The following SPTAN1 variants were observed in gnomAD, a reference collection of about 807,000 sequenced individuals.
SPTAN1 encodes spectrin alpha chain, non-erythrocytic 1.
Under a neutral mutation model 331.3 loss-of-function variants are expected in SPTAN1, and 61 were observed. That is an observed-to-expected ratio of 0.18 (90% CI 0.15 to 0.23). The LOEUF (loss-of-function observed/expected upper bound fraction) is 0.23, where lower values mean the gene tolerates loss of function less well. Among genes scored for constraint, SPTAN1 ranks in the 10% least tolerant of loss-of-function variants. The pLI, the probability that SPTAN1 is intolerant of heterozygous loss-of-function variation, is 1.00. For synonymous variants in SPTAN1, 1,153 were observed against 1,173.9 expected (o/e 0.98, Z 0.36); for missense variants, 2,043 against 3,147.9 (o/e 0.65, Z 8.40).
At chr9:128,608,109 C>CCT (rs1165918243) in intron 33 of SPTAN1, 21 bp from the exon 34 acceptor site, 1 of 1,614,078 alleles carries the variant, frequency 6.2e-7, no homozygotes, top group Non-Finnish European at 8.5e-7. Flanking sequence ...CATTTTCTCA[C>CCT]CTGCCTCTTG....
chr9:128,587,704 C>T lies in SPTAN1; in HGVS notation c.2871+6C>T. 1 of 1,613,934 alleles carries T rather than the reference C, an allele frequency of 6.2e-7. No homozygotes were observed. Among genetic ancestry groups the T allele is most frequent in the Non-Finnish European group, 8.5e-7 (1 of 1,179,830 alleles). ...AACAAGCACAGTCCTGCCGGGTAAA[C>T]TTGTAACAGTTTATGGGTTACTGGA... On this transcript the variant is annotated splice_donor_region_variant and intron_variant, in intron 20 of 56. Coordinates refer to ENST00000372739, the MANE Select transcript of SPTAN1 (RefSeq NM_001130438.3).
intron 21 of SPTAN1, among the ~76,000 whole-genome samples, chr9:128,589,966 T>C (rs1010352453): frequency 6.6e-6 from 1 of 152,190 alleles, no homozygotes; most frequent in Non-Finnish European, 1.5e-5. Context: ...GGCTTTGTCT[T>C]CTTTAGGCTA....
intron 43 of SPTAN1, among the ~76,000 whole-genome samples, 153 bp from the exon 44 acceptor site, chr9:128,618,718 C>T (rs1346378144): frequency 2.0e-5 from 3 of 152,134 alleles, no homozygotes; most frequent in Non-Finnish European, 2.9e-5. Context: ...CTCCTGATCT[C>T]GTGATCTGCC....
At chr9:128,603,733 A>G in intron 28 of SPTAN1, 143 bp downstream of exon 28, 1 of 1,049,870 alleles carries the variant, frequency 9.5e-7, no homozygotes, top group South Asian at 1.3e-5. Flanking sequence ...TGTCCTAAGT[A>G]AACATCAGCA....
At chr9:128,618,157 C>T (rs190959808) in intron 43 of SPTAN1, 49 bp downstream of exon 43, 1 of 1,610,412 alleles carries the variant, frequency 6.2e-7, no homozygotes, top group East Asian at 2.2e-5. Flanking sequence ...AAGGCCAGCA[C>T]CCAAGGGCAG....
intron 45 of SPTAN1, chr9:128,622,137 T>G (rs1032114722): frequency 6.6e-6 from 1 of 152,166 alleles, no homozygotes; most frequent in Non-Finnish European, 1.5e-5. Context: ...CAAATAAACT[T>G]GCGTGAAACT....
At chr9:128,608,355 T>TA in intron 34 of SPTAN1, 79 bp downstream of exon 34, 1 of 1,570,388 alleles carries the variant, frequency 6.4e-7, no homozygotes, top group Non-Finnish European at 8.7e-7. Context: ...TAGTCACTGT[T>TA]ATATCTCCAA....
At chr9:128,589,732 C>T (rs188247443) in intron 21 of SPTAN1, among the ~76,000 whole-genome samples, 221 of 151,942 alleles carry the variant, frequency 1.5e-3, no homozygotes, top group Non-Finnish European at 2.0e-3. Context: ...CCTGCCACCA[C>T]GCCCGGCTAA....
chr9:128,560,209 A>G (rs897956670), intron 1 of SPTAN1, among the ~76,000 whole-genome samples: 7 of 150,418 alleles, frequency 4.7e-5, no homozygotes, highest in Admixed American at 1.3e-4. Flanking sequence ...TCAGCCTCCC[A>G]AGTAGCTGGG....
rs1012515428 is a variant in SPTAN1 at position 128,629,136 on chromosome 9, G to A, written c.6708-1185G>A. 15 of 398,572 alleles carry A rather than the reference G, an allele frequency of 3.8e-5. No individual in the cohort carries two copies. The highest frequency in any genetic ancestry group is 6.2e-4 in the Middle Eastern group (1 of 1,612). The allele number at this position is 398,572 out of a possible 1,614,324, so 24.7% of individuals were successfully genotyped here. ...TTTTCTTTGAATAGCATAGCATATC[G>A]TCGGGTCATTCGTGTCTATCAGTAT... On this transcript the variant is annotated intron_variant, in intron 51 of 56. Transcript: ENST00000372739. The surrounding 1 kb of genome is among the most constrained non-coding windows in gnomAD (Gnocchi z 4.9).
At chr9:128,624,683 G>A in intron 46 of SPTAN1, 196 bp downstream of exon 46, 1 of 654,408 alleles carries the variant, frequency 1.5e-6, no homozygotes, top group South Asian at 1.9e-5. Context: ...CCGGAACTGG[G>A]CTGGCACCAG....
At chr9:128,567,886 G>A (rs551092720) in intron 2 of SPTAN1, among the ~76,000 whole-genome samples, 1 of 151,630 alleles carries the variant, frequency 6.6e-6, no homozygotes, top group South Asian at 2.1e-4. Flanking sequence ...TCAGCCTCCC[G>A]AGTAGCTGGG....
intron 27 of SPTAN1, among the ~76,000 whole-genome samples, chr9:128,602,333 C>A (rs1855279705): frequency 6.6e-6 from 1 of 151,676 alleles, no homozygotes; most frequent in African/African-American, 2.4e-5. Context: ...TCTCCCACCT[C>A]AGCCTCCCGT....
rs770086897 is a variant in SPTAN1, at chr9:128,627,882, G to A, written c.6690-43G>A. 6.2e-7 allele frequency: 1 copy of A among 1,613,628 alleles called. No homozygotes were observed. Among genetic ancestry groups the A allele is most frequent in the South Asian group, 1.1e-5 (1 of 91,060 alleles). ...TCCCCCCGATTGCTGCTGTTGTCCG[G>A]ACACCACCTTGTCTCCCGGCTGCTT... On this transcript the variant is annotated intron_variant, in intron 50 of 56. Coordinates refer to ENST00000372739, the MANE Select transcript of SPTAN1 (RefSeq NM_001130438.3). This position sits in a 1 kb window ranked among gnomAD's most constrained non-coding sequence, Gnocchi z 4.9.
intron 1 of SPTAN1, 66 bp from the exon 2 acceptor site, chr9:128,566,672 G>A (rs1440461813): frequency 3.1e-6 from 5 of 1,608,454 alleles, no homozygotes; most frequent in African/African-American, 1.3e-5. Flanking sequence ...CCTTCAGAGA[G>A]GCTAATTACT....
intron 41 of SPTAN1, 90 bp from the exon 42 acceptor site, chr9:128,617,550 T>A (rs1304107396): frequency 1.3e-6 from 2 of 1,588,230 alleles, no homozygotes; most frequent in Admixed American, 1.7e-5. Context: ...GATTAGTAGA[T>A]GTCTGTGAGG....
At chr9:128,560,628 G>A (rs959942407) in intron 1 of SPTAN1, among the ~76,000 whole-genome samples, 4 of 7,718 alleles carry the variant, frequency 5.2e-4, no homozygotes, top group East Asian at 0.083. Flanking sequence ...TGATCTGCCC[G>A]CCTCGCCTCC....
chr9:128,583,947 A>G lies in SPTAN1; in HGVS notation c.2171A>G (p.Glu724Gly), dbSNP rs374506067. 1.9e-6 allele frequency: 3 copies of G among 1,614,090 alleles called. No homozygotes were observed. The highest frequency in any genetic ancestry group is 2.5e-6 in the Non-Finnish European group (3 of 1,180,042). Reference sequence around the variant, plus strand: ...CTCCAGAAGAAACATGCACTGCTAGAGGCAGATGTGGCTGCTCACCAGGTA... The same window carrying G: ...CTCCAGAAGAAACATGCACTGCTAGGGGCAGATGTGGCTGCTCACCAGGTA... ...QNLQKKHALLEADVAAHQDRI... is the reference protein window; with the variant it reads ...QNLQKKHALLGADVAAHQDRI... Residue 724 changes from glutamate (E) to glycine (G), a missense_variant, in exon 16 of 57, where the codon GAG becomes GGG. Transcript: ENST00000372739.
intron 19 of SPTAN1, 91 bp from the exon 20 acceptor site, chr9:128,587,515 G>T: frequency 6.2e-6 from 6 of 968,954 alleles, no homozygotes; most frequent in Non-Finnish European, 1.0e-5. Flanking sequence ...ACTGAGAAAG[G>T]CTGTTGAGGC....
Sources: gnomAD v4.1 joint callset for allele counts (sites outside exome capture counted in the v4.1 genomes callset) on GRCh38, gnomAD v4.1.1 for gene constraint, Gnocchi (gnomAD v3.1) non-coding constraint, MANE v1.5 for transcripts, NCBI Gene and HGNC (gene_info 2026-07-23, HGNC 2026-07-21) for gene names.